GBP7: variants seen among roughly 807,000 people sequenced by gnomAD.
GBP7 encodes the protein guanylate-binding protein 7.
A neutral mutation model predicts 61.3 loss-of-function variants in GBP7; 43 were observed. The observed-to-expected ratio is 0.70, with a 90% confidence interval of 0.55 to 0.91. The LOEUF is 0.91. Ranked by LOEUF, GBP7 falls within the 40% of genes least tolerant of loss-of-function variation. GBP7 has a pLI of 0.00. For synonymous variants in GBP7, 267 were observed against 271.0 expected (o/e 0.99, Z 0.14); for missense variants, 717 against 740.5 (o/e 0.97, Z 0.37).
rs759114440 is a variant in GBP7, at chr1:89,149,335, T to C, written c.1109A>G (p.Tyr370Cys). Residue 370 changes from tyrosine (Y) to cysteine (C), a missense_variant, in exon 7 of 11, where the codon TAC (tyrosine) becomes TGC (cysteine). Physicochemically the swap from Tyr to Cys is radical, Grantham distance 194. Coordinates refer to ENST00000294671, the MANE Select transcript of GBP7 (RefSeq NM_207398.3). Reference sequence around the variant, plus strand: ...TTCCTGGCTTTTATCTTTGAAGGAGTACTCCATGAAGACTGCAATGGCTTC... The same window carrying C: ...TTCCTGGCTTTTATCTTTGAAGGAGCACTCCATGAAGACTGCAATGGCTTC... ...EREAIAVFME[Y>C]SFKDKSQEFQ... The C allele has an allele frequency of 9.9e-6, 16 of 1,612,700 alleles. No individual in the cohort carries two copies. The South Asian group carries it at 1.5e-4, about 16-fold the overall frequency.
intron 8 of GBP7, among the ~76,000 whole-genome samples, chr1:89,146,030 C>A (rs1682054808): frequency 6.6e-6 from 1 of 151,974 alleles, no homozygotes; most frequent in Non-Finnish European, 1.5e-5. Context: ...AAAAACAGAG[C>A]CAAAGGCATC....
intron 3 of GBP7, among the ~76,000 whole-genome samples, chr1:89,164,394 A>G (rs573463080): frequency 4.0e-4 from 61 of 152,276 alleles, no homozygotes; most frequent in African/African-American, 1.4e-3. Flanking sequence ...TGTCTTCGCC[A>G]CTAGGCTCTG....
chr1:89,138,541 T>C (rs1174825869), intron 9 of GBP7, among the ~76,000 whole-genome samples: 1 of 151,960 alleles, frequency 6.6e-6, no homozygotes, highest in Non-Finnish European at 1.5e-5. Context: ...CCTACAACTA[T>C]CTGATCTTTG....
chr1:89,164,617 C>A, intron 3 of GBP7, 114 bp downstream of exon 3: 1 of 1,068,630 alleles, frequency 9.4e-7, no homozygotes, highest in Non-Finnish European at 1.4e-6. Context: ...GCTTTGTTTC[C>A]CATAATCAGA....
chr1:89,152,237 A>G (rs779930884), intron 5 of GBP7, 31 bp downstream of exon 5: 2 of 1,601,012 alleles, frequency 1.2e-6, no homozygotes, highest in Non-Finnish European at 8.5e-7. Flanking sequence ...CCGCTACTGA[A>G]CCTTCTCCCA....
At position 89,134,015 on chromosome 1, in the gene GBP7, G is replaced by C. The variant is rs369574161; in HGVS notation, c.1469-564C>G. 3.7e-4 allele frequency among the ~76,000 whole-genome samples: 56 copies of C among 152,322 alleles called. 6 individuals are homozygous for C. Among genetic ancestry groups the C allele is most frequent in the Admixed American group, 9.1e-4 (14 of 15,310 alleles). ...TGGATAGAACTGGGCTATCTTGCCT[G>C]TGGGACAGATCCAGTATGGTCTGAG... is the stretch of plus-strand genomic sequence containing the variant. On this transcript the variant is annotated intron_variant, in intron 9 of 10. Coordinates refer to ENST00000294671, the MANE Select transcript of GBP7 (RefSeq NM_207398.3).
intron 8 of GBP7, among the ~76,000 whole-genome samples, chr1:89,146,989 A>T (rs2100644160): frequency 6.6e-6 from 1 of 152,362 alleles, no homozygotes; most frequent in South Asian, 2.1e-4. Flanking sequence ...TAGGAAATTT[A>T]TTAGCCTCTC....
chr1:89,149,618 C>G (rs1682146870), intron 6 of GBP7, 46 bp from the exon 7 acceptor site: 1 of 1,524,416 alleles, frequency 6.6e-7, no homozygotes, highest in African/African-American at 1.4e-5. Context: ...AGTTTTCACT[C>G]ATTGTTTTAC....
At chr1:89,148,487 G>A (rs1682117244) in intron 7 of GBP7, among the ~76,000 whole-genome samples, 1 of 152,180 alleles carries the variant, frequency 6.6e-6, no homozygotes, top group South Asian at 2.1e-4. Flanking sequence ...CTTTAGAAAT[G>A]GAGAGTATTC....
chr1:89,155,058 C>T (rs970574498), intron 3 of GBP7, among the ~76,000 whole-genome samples: 4 of 152,216 alleles, frequency 2.6e-5, no homozygotes, highest in African/African-American at 9.7e-5. Flanking sequence ...TGCTGTTCTG[C>T]AGCCTCCACT....
At chr1:89,150,728 G>A (rs1345198018) in intron 5 of GBP7, among the ~76,000 whole-genome samples, 153 bp from the exon 6 acceptor site, 1 of 152,088 alleles carries the variant, frequency 6.6e-6, no homozygotes, top group Non-Finnish European at 1.5e-5. Context: ...CCAAACTTAT[G>A]CTAATCTACT....
rs1682164886 is a variant in GBP7 at position 89,150,379 on chromosome 1, G to C, written c.822C>G (p.Thr274=). The C allele has an allele frequency of 6.2e-7, 1 of 1,613,696 alleles. No homozygotes were observed. The highest frequency in any genetic ancestry group is 1.3e-5 in the African/African-American group (1 of 74,866). Residue 274 remains threonine, a synonymous_variant, in exon 6 of 11, where the codon ACC becomes ACG. Transcript: ENST00000294671. ...CTCTCAGGGTCTTGGTCTTTGCATGGGTGAAGATATAAGAACAGAAATTTT... is the reference window on the plus strand; with the variant it reads ...CTCTCAGGGTCTTGGTCTTTGCATGCGTGAAGATATAAGAACAGAAATTTT... ...QSENFCSYIF[T]HAKTKTLREG... is the part of the protein sequence containing the mutation.
intron 2 of GBP7, among the ~76,000 whole-genome samples, chr1:89,165,871 G>A (rs1239907689): frequency 6.6e-6 from 1 of 151,974 alleles, no homozygotes; most frequent in Admixed American, 6.6e-5. Context: ...ACCTACGTAA[G>A]AAACTTGCAT....
chr1:89,135,405 T>G (rs1248137660), intron 9 of GBP7, among the ~76,000 whole-genome samples: 2 of 152,068 alleles, frequency 1.3e-5, no homozygotes, highest in African/African-American at 4.8e-5. Context: ...CATCAGATTT[T>G]CCAAGGTCAG....
At position 89,171,878 on chromosome 1, in the gene GBP7, G is replaced by A; in HGVS notation, c.58C>T (p.His20Tyr). 3.1e-6 allele frequency: 5 copies of A among 1,613,594 alleles called. No homozygotes were observed. Among genetic ancestry groups the A allele is most frequent in the Non-Finnish European group, 4.2e-6 (5 of 1,179,726 alleles). Reference protein sequence around the residue: ...PVCLTENTKGHLVVNSEALEI... With the variant: ...PVCLTENTKGYLVVNSEALEI... ...AGAGCTTCTGAATTCACCACCAGAT[G>A]CCCTTTAGTGTTCTCAGTGAGGCAC... Residue 20 changes from histidine to tyrosine, a missense_variant, in exon 2 of 11, where the codon CAT (histidine) becomes TAT (tyrosine). His to Tyr is a moderately conservative substitution (Grantham distance 83). Around this residue, in one of 3 missense-constraint regions of GBP7, gnomAD observed 387 missense variants for 385.2 expected, o/e 1.00. Transcript: ENST00000294671.
intron 3 of GBP7, among the ~76,000 whole-genome samples, chr1:89,156,848 G>T (rs1001995515): frequency 2.6e-4 from 39 of 152,164 alleles, no homozygotes; most frequent in African/African-American, 8.7e-4. Context: ...AGCTCTGCAT[G>T]AAGAGGACCT....
At chr1:89,171,606 G>T in intron 2 of GBP7, 140 bp downstream of exon 2, 1 of 605,964 alleles carries the variant, frequency 1.7e-6, no homozygotes, top group Non-Finnish European at 2.7e-6. Context: ...GAGTGAATTT[G>T]AAGGGTTCAC....
At chr1:89,158,305 C>T (rs984084115) in intron 3 of GBP7, among the ~76,000 whole-genome samples, 17 of 151,584 alleles carry the variant, frequency 1.1e-4, no homozygotes, top group East Asian at 1.9e-4. Flanking sequence ...TGGCACAAGA[C>T]GGGATGCCCT....
Position 89,174,318 on chromosome 1 carries a change from A to C in GBP7, c.-20+1603T>G, listed in dbSNP as rs191498684. 3.3e-5 allele frequency among the ~76,000 whole-genome samples: 5 copies of C among 152,242 alleles called. No homozygotes were observed. In the East Asian group the frequency reaches 7.7e-4, roughly 23 times the overall value. On this transcript the variant is annotated intron_variant, in intron 1 of 10. Coordinates refer to ENST00000294671, the MANE Select transcript of GBP7 (RefSeq NM_207398.3). ...AAGATGAGAGTATATAATTTTGTAGATATTGCCAAGTTCCTCTCCAGAAAG... is the reference window on the plus strand; with the variant it reads ...AAGATGAGAGTATATAATTTTGTAGCTATTGCCAAGTTCCTCTCCAGAAAG...
Sources: allele counts gnomAD v4.1 joint callset (sites outside exome capture counted in the v4.1 genomes callset), GRCh38; gene constraint gnomAD v4.1.1; regional missense constraint gnomAD v4.1.1; transcripts MANE v1.5; gene names NCBI Gene and HGNC (gene_info 2026-07-23, HGNC 2026-07-21).